Variants in CIT observed in about 807,000 individuals in gnomAD.
CIT encodes the protein citron rho-interacting serine/threonine kinase, also known as citron Rho-interacting kinase.
In CIT, 79 loss-of-function variants were observed where a neutral mutation model predicts 272.7. The observed-to-expected ratio is 0.29, with a 90% CI of 0.24 to 0.35. The LOEUF (loss-of-function observed/expected upper bound fraction) is 0.35, where lower values mean the gene tolerates loss of function less well. Among genes scored for constraint, CIT ranks in the 10% least tolerant of loss-of-function variants. The pLI is 1.00. For synonymous variants in CIT, 948 were observed against 995.6 expected, an observed-to-expected ratio of 0.95 and a Z score of 0.90; for missense variants, 1,909 against 2,618.3, an observed-to-expected ratio of 0.73 and a Z score of 5.91.
Position 119,867,193 on chromosome 12 carries a change from C to A in CIT, c.238+1867G>T, listed in dbSNP as rs569469091. Among the ~76,000 whole-genome samples, 5 of 146,198 alleles carry A rather than the reference C, an allele frequency of 3.4e-5. No homozygotes were observed. In the South Asian group the frequency reaches 1.1e-3, roughly 32 times the overall value. On this transcript the variant is annotated intron_variant, in intron 3 of 47. Coordinates refer to ENST00000392521, the MANE Select transcript of CIT (RefSeq NM_001206999.2). ...ACACACACAAGAGGTAATACAATAA[C>A]TTTTTTTTTTTTTTAAGACAGAGTC...
In CIT at chr12:119,690,319, G is replaced by A. The variant is rs751407643; in HGVS notation, c.6018C>T (p.Thr2006=). 2.0e-5 allele frequency: 32 copies of A among 1,595,774 alleles called. No homozygotes were observed. In the East Asian group the frequency reaches 4.7e-4, roughly 23 times the overall value. ...STPHRYREGR[T]ELRRDKSPGR... ...CAGGAGACTTGTCCCTGCGCAGCTCGGTCCGCCCCTCGCGGTAGCGGTGGG... is the reference window on the plus strand; with the variant it reads ...CAGGAGACTTGTCCCTGCGCAGCTCAGTCCGCCCCTCGCGGTAGCGGTGGG... The change falls in exon 47 of 48, where the codon ACC becomes ACT. Residue 2006 remains threonine, a synonymous_variant. Transcript: ENST00000392521. The surrounding 1 kb of genome is among the most constrained non-coding windows in gnomAD (Gnocchi z 6.0).
At position 119,784,388 on chromosome 12, in the gene CIT, A is replaced by G. The variant is rs561011003; in HGVS notation, c.1402-337T>C. On this transcript the variant is annotated intron_variant, in intron 11 of 47. Coordinates refer to ENST00000392521, the MANE Select transcript of CIT (RefSeq NM_001206999.2). This position sits in a 1 kb window ranked among gnomAD's most constrained non-coding sequence, Gnocchi z 4.7. ...CAGACGTCACTTTAATTTTATCCCA[A>G]ATCCATCTTGATCCCCCCCCATCTC... is the stretch of plus-strand genomic sequence containing the variant. 8.0e-7 allele frequency: 1 copy of G among 1,242,648 alleles called. No individual in the cohort carries two copies. The highest frequency in any genetic ancestry group is 1.0e-6 in the Non-Finnish European group (1 of 973,158). 77.0% of individuals were successfully genotyped at this position (1,242,648 alleles called of 1,614,324 possible). A position where few individuals can be genotyped will look rare whatever the true frequency, so the allele number is the denominator to read the frequency against.
At chr12:119,722,632 TATC>T (rs1181758824) in intron 28 of CIT, among the ~76,000 whole-genome samples, 3 of 152,220 alleles carry the variant, frequency 2.0e-5, no homozygotes, top group Admixed American at 2.0e-4. Flanking sequence ...CTTTTACACT[TATC>T]ATATCACTGA....
At chr12:119,826,850 C>T (rs1393106160) in intron 7 of CIT, among the ~76,000 whole-genome samples, 2 of 152,176 alleles carry the variant, frequency 1.3e-5, no homozygotes, top group Non-Finnish European at 2.9e-5. Flanking sequence ...ATTTGCTTTA[C>T]TTTAACTGGG....
At position 119,775,828 on chromosome 12, in the gene CIT, C is replaced by T; in HGVS notation, c.1899G>A (p.Glu633=). The T allele has an allele frequency of 6.2e-7, 1 of 1,613,544 alleles. No homozygotes were observed. Among genetic ancestry groups the T allele is most frequent in the Non-Finnish European group, 8.5e-7 (1 of 1,179,606 alleles). Residue 633 remains glutamate (E), a synonymous_variant, in exon 16 of 48, where the codon GAG becomes GAA. Transcript: ENST00000392521. ...GGAGCTCCTGAATTTTGAGCTGCTG[C>T]TCAGCATTGATCTATAATTAAAATC... ...EYAKLEKINA[E]QQLKIQELQE...
chr12:119,741,432 A>G (rs1011486131), intron 24 of CIT, among the ~76,000 whole-genome samples: 1 of 152,256 alleles, frequency 6.6e-6, no homozygotes, highest in African/African-American at 2.4e-5. Flanking sequence ...CCAGTTGTCT[A>G]TCTGTGTAAA....
rs907150724 is a variant in CIT, at chr12:119,698,125, G to A, written c.5624-71C>T. 51 of 1,345,034 alleles carry A rather than the reference G, an allele frequency of 3.8e-5. No individual in the cohort carries two copies. The Middle Eastern group carries it at 8.9e-4, about 24-fold the overall frequency. 83.3% of individuals were successfully genotyped at this position (1,345,034 alleles called of 1,614,324 possible). On this transcript the variant is annotated intron_variant, in intron 44 of 47. Coordinates refer to ENST00000392521, the MANE Select transcript of CIT (RefSeq NM_001206999.2). ...AAAGAGGGAAAATCAAAATCTGACT[G>A]CAATGCATTCTTTGACCCAGCAATC...
chr12:119,702,618 C>G (rs900326172), intron 41 of CIT, among the ~76,000 whole-genome samples: 2 of 151,748 alleles, frequency 1.3e-5, no homozygotes, highest in Non-Finnish European at 2.9e-5. Context: ...ACCCGGGAGG[C>G]AGAGGTTGCA....
chr12:119,857,491 A>G (rs1274090069), intron 4 of CIT, 32 bp downstream of exon 4: 1 of 1,611,246 alleles, frequency 6.2e-7, no homozygotes, highest in East Asian at 2.2e-5. Context: ...CGGTACAGAA[A>G]GTGGAAAAGC....
chr12:119,734,655 G>A (rs1000767757), intron 25 of CIT, among the ~76,000 whole-genome samples: 2 of 151,528 alleles, frequency 1.3e-5, no homozygotes, highest in African/African-American at 4.9e-5. Flanking sequence ...TTATTTTTTC[G>A]AGACAGGGTC....
In CIT at chr12:119,694,397, G is replaced by A. The variant is rs780117452; in HGVS notation, c.5882+3262C>T. On this transcript the variant is annotated intron_variant, in intron 46 of 47. Coordinates refer to ENST00000392521, the MANE Select transcript of CIT (RefSeq NM_001206999.2). The surrounding 1 kb of genome is among the most constrained non-coding windows in gnomAD (Gnocchi z 4.5). Reference sequence around the variant, plus strand: ...GTACAGCCCTGATAAGGAAGGTTGTGCAGGCATCTGGGGAGAAATGAATGA... The same window carrying A: ...GTACAGCCCTGATAAGGAAGGTTGTACAGGCATCTGGGGAGAAATGAATGA... 6.6e-6 allele frequency among the ~76,000 whole-genome samples: 1 copy of A among 152,220 alleles called. No homozygotes were observed. The highest frequency in any genetic ancestry group is 2.4e-5 in the African/African-American group (1 of 41,442).
chr12:119,869,048 C>T lies in CIT; in HGVS notation c.238+12G>A, dbSNP rs1381302758. The stretch of plus-strand genomic sequence containing the variant: ...TCAGGACAGTTTTCAAGAAAAAGTT[C>T]CCCAAACTTACACTTCCGGACAAAG... On this transcript the variant is annotated intron_variant, in intron 3 of 47. Transcript: ENST00000392521. 4.4e-6 allele frequency: 7 copies of T among 1,608,376 alleles called. No homozygotes were observed. The highest frequency in any genetic ancestry group is 5.1e-6 in the Non-Finnish European group (6 of 1,178,884).
chr12:119,711,942 C>T (rs1957181002), intron 37 of CIT, among the ~76,000 whole-genome samples: 1 of 152,164 alleles, frequency 6.6e-6, no homozygotes, highest in South Asian at 2.1e-4. Context: ...CAGGCATGAG[C>T]CACCGCATCC....
chr12:119,745,421 T>C (rs1220283723), intron 23 of CIT, among the ~76,000 whole-genome samples: 4 of 68,862 alleles, frequency 5.8e-5, no homozygotes, highest in Non-Finnish European at 1.2e-4. Context: ...TAGAATTCTA[T>C]ACCCAGCAAA....
chr12:119,876,454 G>T (rs1325046693), intron 1 of CIT, among the ~76,000 whole-genome samples: 1 of 152,214 alleles, frequency 6.6e-6, no homozygotes, highest in Non-Finnish European at 1.5e-5. Context: ...AGAGATGTTT[G>T]CCCCCATGCA....
intron 9 of CIT, among the ~76,000 whole-genome samples, chr12:119,820,706 C>CA (rs1364638383): frequency 1.3e-5 from 2 of 152,152 alleles, no homozygotes; most frequent in Admixed American, 6.5e-5. Context: ...TGCAATGGCT[C>CA]ACGCCTGTAA....
intron 4 of CIT, among the ~76,000 whole-genome samples, chr12:119,856,138 T>A (rs1490150098): frequency 6.6e-6 from 1 of 152,220 alleles, no homozygotes; most frequent in Non-Finnish European, 1.5e-5. Context: ...GCTGCTTCTC[T>A]GATTGGAGGC....
intron 24 of CIT, among the ~76,000 whole-genome samples, chr12:119,736,322 G>A (rs752510885): frequency 6.6e-6 from 1 of 152,008 alleles, no homozygotes; most frequent in Non-Finnish European, 1.5e-5. Context: ...AGTCGATTTC[G>A]TTTATGAAAT....
intron 10 of CIT, among the ~76,000 whole-genome samples, chr12:119,786,381 C>T (rs1964800805): frequency 6.6e-6 from 1 of 152,216 alleles, no homozygotes; most frequent in Admixed American, 6.5e-5. Flanking sequence ...AACTCATGCA[C>T]TGTGCCCAGA....
Sources: allele counts gnomAD v4.1 joint callset (sites outside exome capture counted in the v4.1 genomes callset), GRCh38; gene constraint gnomAD v4.1.1; non-coding constraint Gnocchi (gnomAD v3.1); transcripts MANE v1.5; gene names NCBI Gene and HGNC (gene_info 2026-07-23, HGNC 2026-07-21).